LDLRAD4: variants seen among roughly 807,000 people sequenced by gnomAD.
The protein encoded by LDLRAD4 is low-density lipoprotein receptor class A domain-containing protein 4.
A neutral mutation model predicts 17.0 loss-of-function variants in LDLRAD4; 5 were observed. The observed-to-expected ratio is 0.29, with a 90% CI of 0.15 to 0.62. The LOEUF (loss-of-function observed/expected upper bound fraction) is 0.62, where lower values mean the gene tolerates loss of function less well. Among genes scored for constraint, LDLRAD4 ranks in the 20% least tolerant of loss-of-function variants. The pLI is 0.84. For missense variants in LDLRAD4, 340 were observed against 424.7 expected, an observed-to-expected ratio of 0.80 and a Z score of 1.75; for synonymous variants, 168 against 171.8, an observed-to-expected ratio of 0.98 and a Z score of 0.17.
intron 3 of LDLRAD4, chr18:13,613,193 C>G (rs898237316): frequency 3.6e-5 from 6 of 164,898 alleles, no homozygotes; most frequent in African/African-American, 1.2e-4. Flanking sequence ...GTGGCTGGTT[C>G]ATTGAACACT....
intron 2 of LDLRAD4, 91 bp downstream of exon 3, chr18:13,387,853 C>T: frequency 8.7e-7 from 1 of 1,153,120 alleles, no homozygotes; most frequent in Non-Finnish European, 1.3e-6. Flanking sequence ...CCTACCTTTG[C>T]AGTCAGGAGC....
chr18:13,390,669 T>A (rs2086202504), intron 2 of LDLRAD4, among the ~76,000 whole-genome samples: 1 of 150,812 alleles, frequency 6.6e-6, no homozygotes, highest in Non-Finnish European at 1.5e-5. Flanking sequence ...AAAAAAAAAA[T>A]CACCTGACTT....
At chr18:13,465,730 A>G (rs1275477398) in intron 3 of LDLRAD4, among the ~76,000 whole-genome samples, 2 of 152,184 alleles carry the variant, frequency 1.3e-5, no homozygotes, top group African/African-American at 2.4e-5. Context: ...TTGGCAGATG[A>G]TTGTTATGGG....
Position 13,300,464 on chromosome 18 carries a change from A to G in LDLRAD4, c.-383+22276A>G, listed in dbSNP as rs915880512. 6.6e-6 allele frequency among the ~76,000 whole-genome samples: 1 copy of G among 152,198 alleles called. No individual in the cohort carries two copies. Among genetic ancestry groups the G allele is most frequent in the Non-Finnish European group, 1.5e-5 (1 of 68,028 alleles). ...GGGGTCAGCCATGACTGCTGCCCCAAGGGAGGCCTGCAATAAGGCACCCGG... is the reference window on the plus strand; with the variant it reads ...GGGGTCAGCCATGACTGCTGCCCCAGGGGAGGCCTGCAATAAGGCACCCGG... On this transcript the variant is annotated intron_variant, in intron 1 of 5. Transcript: ENST00000359446. The surrounding 1 kb of genome is among the most constrained non-coding windows in gnomAD (Gnocchi z 4.2).
intron 3 of LDLRAD4, among the ~76,000 whole-genome samples, chr18:13,445,685 T>C (rs2091351925): frequency 6.6e-6 from 1 of 151,350 alleles, no homozygotes; most frequent in Admixed American, 6.6e-5. Flanking sequence ...TGTGCATGTA[T>C]GTGTGTAGGT....
chr18:13,334,104 A>G (rs2081992598), intron 1 of LDLRAD4, among the ~76,000 whole-genome samples: 1 of 152,130 alleles, frequency 6.6e-6, no homozygotes, highest in Admixed American at 6.5e-5. Context: ...TTTTCTCCAT[A>G]TAGATGTTGT....
intron 3 of LDLRAD4, among the ~76,000 whole-genome samples, chr18:13,498,963 G>A (rs760904907): frequency 1.6e-5 from 2 of 127,722 alleles, no homozygotes; most frequent in Non-Finnish European, 3.2e-5. Context: ...TACATGTCCT[G>A]CTGTGGACAC....
chr18:13,578,825 G>GTTTTTTTTTTTTTTTTTTT (rs1286958694), intron 3 of LDLRAD4, among the ~76,000 whole-genome samples: 3 of 49,878 alleles, frequency 6.0e-5, no homozygotes, highest in Non-Finnish European at 4.0e-5. Flanking sequence ...AGTTGTCCGG[G>GTTTTTTTTTTTTTTTTTTT]TCTTTTTTTT....
intron 2 of LDLRAD4, among the ~76,000 whole-genome samples, chr18:13,405,703 G>T (rs748550952): frequency 8.6e-5 from 13 of 151,102 alleles, no homozygotes; most frequent in Non-Finnish European, 1.9e-4. Context: ...CTCCTAAAGT[G>T]CTGAGATTAC....
chr18:13,588,711 A>T (rs544995329), intron 3 of LDLRAD4, among the ~76,000 whole-genome samples: 1 of 152,094 alleles, frequency 6.6e-6, no homozygotes, highest in Non-Finnish European at 1.5e-5. Flanking sequence ...TGTTCTTAGG[A>T]TTGAATTGTT....
At chr18:13,232,382 C>G (rs779297701) in intron 1 of LDLRAD4, among the ~76,000 whole-genome samples, 19 of 152,236 alleles carry the variant, frequency 1.2e-4, no homozygotes, top group Non-Finnish European at 2.6e-4. Context: ...GTTTGAGCTT[C>G]TGTCCTGGTA....
intron 3 of LDLRAD4, among the ~76,000 whole-genome samples, chr18:13,579,041 T>A (rs960917016): frequency 6.6e-6 from 1 of 151,564 alleles, no homozygotes; most frequent in Non-Finnish European, 1.5e-5. Flanking sequence ...ATACAAAAAA[T>A]TAGTCAGACG....
chr18:13,638,232 T>C (rs930416097), intron 4 of LDLRAD4, among the ~76,000 whole-genome samples: 5 of 151,334 alleles, frequency 3.3e-5, no homozygotes, highest in African/African-American at 1.2e-4. Context: ...TATGAAAATG[T>C]GCTGCTCTCC....
chr18:13,263,674 A>G (rs2044048738), intron 1 of LDLRAD4, among the ~76,000 whole-genome samples: 1 of 152,214 alleles, frequency 6.6e-6, no homozygotes, highest in Non-Finnish European at 1.5e-5. Flanking sequence ...AGATGTTGGT[A>G]ATCGTATTAC....
At chr18:13,485,815 G>A (rs989951065) in intron 3 of LDLRAD4, among the ~76,000 whole-genome samples, 4 of 152,200 alleles carry the variant, frequency 2.6e-5, no homozygotes, top group African/African-American at 7.2e-5. Context: ...GGAGTTTGAA[G>A]CTTCAGTGAG....
At chr18:13,497,440 A>G (rs1173427564) in intron 3 of LDLRAD4, among the ~76,000 whole-genome samples, 1 of 151,470 alleles carries the variant, frequency 6.6e-6, no homozygotes, top group Non-Finnish European at 1.5e-5. Flanking sequence ...CGGCCTCCCA[A>G]AGTGCTGGGA....
At chr18:13,421,305 TAGG>T (rs2089428110) in intron 2 of LDLRAD4, 1 of 152,244 alleles carries the variant, frequency 6.6e-6, no homozygotes, top group Non-Finnish European at 1.5e-5. Context: ...GGTGTGGAAT[TAGG>T]AGGCCTACCT....
exon 6 of LDLRAD4, chr18:13,651,100 T>G (rs1298545718): frequency 6.6e-6 from 1 of 152,268 alleles, no homozygotes; most frequent in Non-Finnish European, 1.5e-5. Flanking sequence ...TTCAACTTGC[T>G]TTATAATCTC....
intron 1 of LDLRAD4, among the ~76,000 whole-genome samples, chr18:13,226,649 A>C (rs2041819670): frequency 6.6e-6 from 1 of 152,020 alleles, no homozygotes; most frequent in South Asian, 2.1e-4. Flanking sequence ...AAGGCCAAAC[A>C]TCATAATGTC....
Sources: allele counts gnomAD v4.1 joint callset (sites outside exome capture counted in the v4.1 genomes callset), GRCh38; gene constraint gnomAD v4.1.1; non-coding constraint Gnocchi (gnomAD v3.1); transcripts MANE v1.5; gene names NCBI Gene and HGNC (gene_info 2026-07-23, HGNC 2026-07-21).